Variants in FAR2 observed in about 807,000 individuals in gnomAD.
The protein encoded by FAR2 is fatty acyl-CoA reductase 2.
A neutral mutation model predicts 56.0 loss-of-function variants in FAR2; 19 were observed. The ratio of observed to expected loss-of-function variants is 0.34; its 90% CI spans 0.24 to 0.50. The LOEUF is 0.50. Among genes scored for constraint, FAR2 ranks in the 20% least tolerant of loss-of-function variants. The probability of loss-of-function intolerance (pLI) is 0.98; values close to 1 mark genes in which losing one functional copy is unlikely to be tolerated. For synonymous variants in FAR2, 219 were observed against 218.8 expected (o/e 1.00, Z -0.01); for missense variants, 508 against 642.2 (o/e 0.79, Z 2.26).
chr12:29,296,955 TGCAGTTATA>T, intron 3 of FAR2, 57 bp from the exon 4 acceptor site: 1 of 1,420,760 alleles, frequency 7.0e-7, no homozygotes, highest in Non-Finnish European at 9.5e-7. Flanking sequence ...TTGGAGTAGG[TGCAGTTATA>T]GCAAGGCATG....
In FAR2 at chr12:29,155,930, T is replaced by C. The variant is rs934024707; in HGVS notation, c.-39+6523T>C. Among the ~76,000 whole-genome samples the C allele has an allele frequency of 5.3e-5, 8 of 152,214 alleles. No homozygotes were observed. The East Asian group carries it at 5.8e-4, about 11-fold the overall frequency. On this transcript the variant is annotated intron_variant, in intron 1 of 11. Transcript: ENST00000536681. ...AGGGGATAGAAATAAAATAGTTAAA[T>C]TGACTTCCTAGTAGGTCCTCAAACA...
chr12:29,157,956 A>G (rs535816174), intron 1 of FAR2, among the ~76,000 whole-genome samples: 26 of 152,332 alleles, frequency 1.7e-4, no homozygotes, highest in African/African-American at 6.3e-4. Flanking sequence ...GCATGTATTA[A>G]AGATTTTTGC....
chr12:29,292,660 A>G lies in FAR2; in HGVS notation c.190-640A>G, dbSNP rs573708176. Among the ~76,000 whole-genome samples the G allele has an allele frequency of 4.6e-5, 7 of 152,306 alleles. No individual in the cohort carries two copies. In the South Asian group the frequency reaches 1.5e-3, roughly 32 times the overall value. On this transcript the variant is annotated intron_variant, in intron 2 of 11. Coordinates refer to ENST00000536681, the MANE Select transcript of FAR2 (RefSeq NM_001271783.2). ...TCATGTCTCATTTGTATCAGGCAAG[A>G]GCATGTTCAGAAGCCATTCTGAGGA...
At chr12:29,262,035 TGTA>T (rs980799425) in intron 1 of FAR2, among the ~76,000 whole-genome samples, 1 of 152,234 alleles carries the variant, frequency 6.6e-6, no homozygotes, top group African/African-American at 2.4e-5. Flanking sequence ...ACACTGTAAT[TGTA>T]GTGTGTAAAC....
At chr12:29,327,440 T>A (rs1044728132) in intron 10 of FAR2, among the ~76,000 whole-genome samples, 7 of 152,100 alleles carry the variant, frequency 4.6e-5, no homozygotes, top group African/African-American at 1.4e-4. Flanking sequence ...GAGCCCGCAT[T>A]GCCAAGTCAA....
At chr12:29,318,628 C>G (rs1801345799) in intron 9 of FAR2, among the ~76,000 whole-genome samples, 1 of 152,180 alleles carries the variant, frequency 6.6e-6, no homozygotes, top group African/African-American at 2.4e-5. Context: ...TGTATACTCT[C>G]CTATGCTTTT....
At chr12:29,246,781 A>G (rs1351913360) in intron 1 of FAR2, among the ~76,000 whole-genome samples, 1 of 152,146 alleles carries the variant, frequency 6.6e-6, no homozygotes, top group African/African-American at 2.4e-5. Flanking sequence ...CTTCTCTTAA[A>G]GACAAATGCC....
chr12:29,268,474 A>G (rs945513305), intron 1 of FAR2, among the ~76,000 whole-genome samples: 1 of 152,174 alleles, frequency 6.6e-6, no homozygotes, highest in African/African-American at 2.4e-5. Flanking sequence ...ATTTTTTCTC[A>G]GCACTTCTGG....
At chr12:29,308,565 T>TA (rs1282798902) in intron 5 of FAR2, among the ~76,000 whole-genome samples, 2 of 96,968 alleles carry the variant, frequency 2.1e-5, no homozygotes, top group Non-Finnish European at 4.0e-5. Context: ...TAAAGAGACA[T>TA]AATAAGGTCA....
intron 1 of FAR2, among the ~76,000 whole-genome samples, chr12:29,268,192 T>C (rs1407662027): frequency 6.6e-6 from 1 of 152,182 alleles, no homozygotes; most frequent in Middle Eastern, 3.2e-3. Context: ...GTTGTTTTTT[T>C]CTTCTTTATA....
chr12:29,278,727 T>C (rs1038855046), intron 2 of FAR2, among the ~76,000 whole-genome samples: 1 of 152,130 alleles, frequency 6.6e-6, no homozygotes, highest in Non-Finnish European at 1.5e-5. Flanking sequence ...TAAAGGTGGG[T>C]AGATGAGACT....
chr12:29,155,821 T>C (rs1949721343), intron 1 of FAR2, among the ~76,000 whole-genome samples: 1 of 152,196 alleles, frequency 6.6e-6, no homozygotes, highest in Non-Finnish European at 1.5e-5. Context: ...ACAGAAAATG[T>C]TTGTTGACCC....
intron 5 of FAR2, among the ~76,000 whole-genome samples, chr12:29,308,715 C>CATAT (rs1416754268): frequency 7.7e-6 from 1 of 129,546 alleles, no homozygotes; most frequent in African/African-American, 3.2e-5. Flanking sequence ...CACACACACA[C>CATAT]ACACATATAT....
intron 1 of FAR2, among the ~76,000 whole-genome samples, chr12:29,154,427 T>G (rs1264424980): frequency 8.4e-6 from 1 of 118,376 alleles, no homozygotes; most frequent in African/African-American, 3.4e-5. Flanking sequence ...TTTTTTTTTG[T>G]TTTGTTTTGT....
At chr12:29,288,639 A>G (rs1948911634) in intron 2 of FAR2, among the ~76,000 whole-genome samples, 1 of 152,166 alleles carries the variant, frequency 6.6e-6, no homozygotes, top group Non-Finnish European at 1.5e-5. Context: ...GGTCTGCTAT[A>G]AAGACTGGAG....
At chr12:29,188,541 T>C (rs191664200) in intron 1 of FAR2, among the ~76,000 whole-genome samples, 1 of 152,336 alleles carries the variant, frequency 6.6e-6, no homozygotes, top group Admixed American at 6.5e-5. Context: ...TTCTGCACAC[T>C]TTCACCCAGT....
chr12:29,291,410 C>T (rs1254897865), intron 2 of FAR2: 1 of 455,948 alleles, frequency 2.2e-6, no homozygotes, highest in East Asian at 7.0e-5. Context: ...TTTTTCATGC[C>T]TACAGTTTGA....
chr12:29,303,983 T>C (rs756472744), intron 4 of FAR2, among the ~76,000 whole-genome samples: 4 of 152,132 alleles, frequency 2.6e-5, no homozygotes, highest in Non-Finnish European at 5.9e-5. Context: ...TTGAGGGAAA[T>C]ACAGAGGCCA....
chr12:29,230,387 A>T (rs1449863192), intron 1 of FAR2, among the ~76,000 whole-genome samples: 1 of 151,900 alleles, frequency 6.6e-6, no homozygotes, highest in Non-Finnish European at 1.5e-5. Flanking sequence ...ATGTTCTGGG[A>T]ACAGACAGCA....
Sources: gnomAD v4.1 joint callset for allele counts (sites outside exome capture counted in the v4.1 genomes callset) on GRCh38, gnomAD v4.1.1 for gene constraint, MANE v1.5 for transcripts, NCBI Gene and HGNC (gene_info 2026-07-23, HGNC 2026-07-21) for gene names.